ROBO1: variants seen among roughly 807,000 people sequenced by gnomAD.
The protein encoded by ROBO1 is roundabout homolog 1.
Under a neutral mutation model 195.9 loss-of-function variants are expected in ROBO1, and 149 were observed. The observed-to-expected ratio is 0.76, with a 90% CI of 0.67 to 0.87. The LOEUF is 0.87. Among genes scored for constraint, ROBO1 ranks in the 40% least tolerant of loss-of-function variants. ROBO1 has a pLI of 0.00. For synonymous variants in ROBO1, 816 were observed against 733.2 expected (o/e 1.11, Z -1.82); for missense variants, 1,933 against 2,068.3 (o/e 0.93, Z 1.27).
chr3:79,766,230 C>T (rs1057384107), intron 1 of ROBO1, among the ~76,000 whole-genome samples: 2 of 151,946 alleles, frequency 1.3e-5, no homozygotes, highest in African/African-American at 4.8e-5. Context: ...AAAAGCCTGA[C>T]CATTGACCAT....
chr3:79,564,615 G>A (rs990059808), intron 2 of ROBO1, among the ~76,000 whole-genome samples: 3 of 151,926 alleles, frequency 2.0e-5, no homozygotes, highest in African/African-American at 7.2e-5. Context: ...AATTATTTTT[G>A]TTATAATTTT....
At chr3:78,866,009 A>C (rs1451795462) in intron 4 of ROBO1, among the ~76,000 whole-genome samples, 2 of 152,176 alleles carry the variant, frequency 1.3e-5, no homozygotes, top group African/African-American at 4.8e-5. Flanking sequence ...TATGTAACAG[A>C]TGGATTCAGC....
intron 3 of ROBO1, among the ~76,000 whole-genome samples, chr3:79,090,024 C>T (rs1329542034): frequency 3.3e-5 from 5 of 151,724 alleles, no homozygotes; most frequent in African/African-American, 9.7e-5. Context: ...ACTGCAACCT[C>T]CATCTCCCAG....
rs576889711 is a variant in ROBO1, at chr3:79,100,250, C to A, written c.172+25206G>T. 1.1e-4 allele frequency among the ~76,000 whole-genome samples: 16 copies of A among 151,848 alleles called. No homozygotes were observed. The East Asian group carries it at 2.7e-3, about 26-fold the overall frequency. On this transcript the variant is annotated intron_variant, in intron 3 of 30. Coordinates refer to ENST00000464233, the MANE Select transcript of ROBO1 (RefSeq NM_002941.4). The stretch of plus-strand genomic sequence containing the variant: ...TGTTTATGAAATGTCTATTAACTGC[C>A]AGTCACTGTACTGTAATGTGATGGT...
intron 3 of ROBO1, among the ~76,000 whole-genome samples, chr3:79,092,933 T>TA (rs1180866269): frequency 6.6e-6 from 1 of 152,178 alleles, no homozygotes; most frequent in African/African-American, 2.4e-5. Context: ...ATTTAACAAT[T>TA]AAAAAGAATT....
chr3:78,969,051 T>G (rs1406593449), intron 3 of ROBO1, among the ~76,000 whole-genome samples: 1 of 152,210 alleles, frequency 6.6e-6, no homozygotes, highest in African/African-American at 2.4e-5. Context: ...AATCATCTGA[T>G]TTTTGTGAAG....
At chr3:79,659,218 A>C (rs143631161) in intron 1 of ROBO1, among the ~76,000 whole-genome samples, 1 of 152,124 alleles carries the variant, frequency 6.6e-6, no homozygotes, top group Non-Finnish European at 1.5e-5. Flanking sequence ...GCAACTAAAC[A>C]TGATGCTTAA....
intron 2 of ROBO1, among the ~76,000 whole-genome samples, chr3:79,175,009 A>C (rs2081241341): frequency 6.6e-6 from 1 of 152,160 alleles, no homozygotes; most frequent in Non-Finnish European, 1.5e-5. Context: ...ATTTTTTAGA[A>C]AAAATGTCAG....
intron 3 of ROBO1, among the ~76,000 whole-genome samples, chr3:79,098,164 AC>A (rs1356769943): frequency 6.6e-6 from 1 of 151,852 alleles, no homozygotes; most frequent in Non-Finnish European, 1.5e-5. Flanking sequence ...CTGAGGAATG[AC>A]CCATATGTCT....
intron 3 of ROBO1, chr3:79,018,541 A>T: frequency 6.3e-7 from 1 of 1,589,044 alleles, no homozygotes. Flanking sequence ...ATGAAGCCAC[A>T]CACCACACAC....
rs2081928173 is a variant in ROBO1, at chr3:78,717,379, C to T, written c.813G>A (p.Leu271=). ...RPSFVKRPSN[L]AVTVDDSAEF... ...CTGCACTGTCATCCACAGTTACTGC[C>T]AAGTTACTGGGTCTCTTCACAAATG... is the stretch of plus-strand genomic sequence containing the variant. The change falls in exon 7 of 31, where the codon TTG becomes TTA. Residue 271 remains leucine (L), a synonymous_variant. Transcript: ENST00000464233. 1 of 1,612,954 alleles carries T rather than the reference C, an allele frequency of 6.2e-7. No homozygotes were observed. The highest frequency in any genetic ancestry group is 8.5e-7 in the Non-Finnish European group (1 of 1,179,070).
chr3:79,374,150 G>A (rs2036299244), intron 2 of ROBO1, among the ~76,000 whole-genome samples: 1 of 152,180 alleles, frequency 6.6e-6, no homozygotes. Context: ...TCTTAAGAGT[G>A]AAATTCGGAG....
chr3:78,978,193 T>TA (rs1342923965), intron 3 of ROBO1, among the ~76,000 whole-genome samples: 2 of 151,982 alleles, frequency 1.3e-5, no homozygotes, highest in African/African-American at 2.4e-5. Flanking sequence ...GTTCACAGAT[T>TA]AAAAAAACCA....
At chr3:79,602,228 T>C (rs1944359791) in intron 1 of ROBO1, among the ~76,000 whole-genome samples, 2 of 151,970 alleles carry the variant, frequency 1.3e-5, no homozygotes, top group African/African-American at 4.8e-5. Flanking sequence ...AATAATGCTA[T>C]AGTAAGAGAG....
intron 2 of ROBO1, among the ~76,000 whole-genome samples, chr3:79,541,260 T>C (rs1942054733): frequency 6.6e-6 from 1 of 152,140 alleles, no homozygotes; most frequent in Non-Finnish European, 1.5e-5. Flanking sequence ...CATAGGATTA[T>C]TGAATTTTTC....
At chr3:79,361,204 T>C (rs888595001) in intron 2 of ROBO1, among the ~76,000 whole-genome samples, 1 of 152,066 alleles carries the variant, frequency 6.6e-6, no homozygotes, top group Non-Finnish European at 1.5e-5. Flanking sequence ...ATATATTTTA[T>C]GATAAATCTT....
At chr3:79,495,161 G>A (rs935500976) in intron 2 of ROBO1, among the ~76,000 whole-genome samples, 2 of 152,022 alleles carry the variant, frequency 1.3e-5, no homozygotes, top group Non-Finnish European at 1.5e-5. Flanking sequence ...AAGCATTTTT[G>A]AACAAATAAA....
chr3:78,828,056 A>G (rs897680742), intron 4 of ROBO1, among the ~76,000 whole-genome samples: 3 of 152,184 alleles, frequency 2.0e-5, no homozygotes, highest in Non-Finnish European at 4.4e-5. Flanking sequence ...TATACCACCC[A>G]AATGTTTAAA....
At chr3:79,461,997 C>A (rs952950700) in intron 2 of ROBO1, among the ~76,000 whole-genome samples, 1 of 151,588 alleles carries the variant, frequency 6.6e-6, no homozygotes, top group African/African-American at 2.4e-5. Context: ...TTAATATTGG[C>A]AAATATAATA....
Sources: gnomAD v4.1 joint callset for allele counts (sites outside exome capture counted in the v4.1 genomes callset) on GRCh38, gnomAD v4.1.1 for gene constraint, MANE v1.5 for transcripts, NCBI Gene and HGNC (gene_info 2026-07-23, HGNC 2026-07-21) for gene names.